The following GNPAT variants were observed in gnomAD, a reference collection of about 807,000 sequenced individuals.
GNPAT encodes dihydroxyacetone phosphate acyltransferase.
Under a neutral mutation model 78.4 loss-of-function variants are expected in GNPAT, and 30 were observed. That is an observed-to-expected ratio of 0.38 (90% CI 0.29 to 0.52). The LOEUF (loss-of-function observed/expected upper bound fraction) is 0.52, where lower values mean the gene tolerates loss of function less well. Among genes scored for constraint, GNPAT ranks in the 20% least tolerant of loss-of-function variants. GNPAT has a pLI of 0.84. For missense variants in GNPAT, 714 were observed against 812.2 expected (o/e 0.88, Z 1.47); for synonymous variants, 271 against 281.1 (o/e 0.96, Z 0.36).
chr1:231,276,300 A>G, intron 15 of GNPAT, 104 bp downstream of exon 15: 1 of 694,770 alleles, frequency 1.4e-6, no homozygotes, highest in East Asian at 2.7e-5. Flanking sequence ...ATCAGTAAGT[A>G]GTAGAGTTCT....
At position 231,259,157 on chromosome 1, in the gene GNPAT, CT is replaced by C. The variant is rs55848293; in HGVS notation, c.262-1336del. On this transcript the variant is annotated intron_variant, in intron 2 of 15. Transcript: ENST00000366647. Reference sequence around the variant, plus strand: ...GTTCTCTTCTGACTATATTTATAAACTTTTTTTTTTTTTTGGCACAATCACT... The same window carrying C: ...GTTCTCTTCTGACTATATTTATAAACTTTTTTTTTTTTTGGCACAATCACT... Among the ~76,000 whole-genome samples the C allele has an allele frequency of 3.8e-3, 550 of 145,194 alleles. 2 individuals carry two copies. Among genetic ancestry groups the C allele is most frequent in the Middle Eastern group, 0.011 (3 of 282 alleles).
intron 1 of GNPAT, among the ~76,000 whole-genome samples, chr1:231,242,220 T>C (rs575787963): frequency 1.3e-5 from 2 of 152,322 alleles, no homozygotes; most frequent in African/African-American, 4.8e-5. Context: ...GTTTGGTTTT[T>C]GTTTGTTTCT....
At chr1:231,246,757 G>A (rs1486138312) in intron 1 of GNPAT, among the ~76,000 whole-genome samples, 6 of 152,186 alleles carry the variant, frequency 3.9e-5, no homozygotes, top group African/African-American at 1.4e-4. Context: ...AAAAGAATTT[G>A]GACAGCTGAG....
Position 231,243,036 on chromosome 1 carries a change from G to C in GNPAT, c.78+1580G>C, listed in dbSNP as rs1007527173. ...GATCTAAAAGTAGCACTTTAGAAGCGTAGAAGATACTGCTGATTGCAGCAA... is the reference window on the plus strand; with the variant it reads ...GATCTAAAAGTAGCACTTTAGAAGCCTAGAAGATACTGCTGATTGCAGCAA... On this transcript the variant is annotated intron_variant, in intron 1 of 15. Transcript: ENST00000366647. Among the ~76,000 whole-genome samples the C allele has an allele frequency of 6.6e-5, 10 of 152,232 alleles. No homozygotes were observed. In the South Asian group the frequency reaches 2.1e-3, roughly 32 times the overall value.
At chr1:231,260,048 G>T (rs574682739) in intron 2 of GNPAT, among the ~76,000 whole-genome samples, 45 of 152,340 alleles carry the variant, frequency 3.0e-4, no homozygotes, top group African/African-American at 9.1e-4. Flanking sequence ...TTGGGACTTT[G>T]TGTGCCTGTG....
rs572817976 is a variant in GNPAT, at chr1:231,256,523, G to T, written c.262-3984G>T. ...TTTTTTTGAGAGGGAGTCTTGCTCT[G>T]TTGCCCAGGCTGGAGTGCAGTGGCG... is the stretch of plus-strand genomic sequence containing the variant. On this transcript the variant is annotated intron_variant, in intron 2 of 15. Transcript: ENST00000366647. Among the ~76,000 whole-genome samples, 12 of 105,378 alleles carry T rather than the reference G, an allele frequency of 1.1e-4. No individual in the cohort carries two copies. In the East Asian group the frequency reaches 3.6e-3, roughly 31 times the overall value. 69.1% of individuals were successfully genotyped at this position (105,378 alleles called of 152,430 possible).
At chr1:231,249,648 C>T (rs950961903) in intron 1 of GNPAT, among the ~76,000 whole-genome samples, 1 of 152,138 alleles carries the variant, frequency 6.6e-6, no homozygotes, top group African/African-American at 2.4e-5. Flanking sequence ...AAAGAAGTGA[C>T]AGGGAAAATA....
chr1:231,244,169 A>C (rs924037573), intron 1 of GNPAT, among the ~76,000 whole-genome samples: 4 of 152,162 alleles, frequency 2.6e-5, no homozygotes, highest in Non-Finnish European at 4.4e-5. Flanking sequence ...TTGGCCTTCC[A>C]AAGTACATTT....
intron 12 of GNPAT, chr1:231,274,897 T>C: frequency 3.2e-6 from 1 of 312,276 alleles, no homozygotes; most frequent in Non-Finnish European, 6.1e-6. Flanking sequence ...AGCAAAGTTA[T>C]TAAAATCTGA....
chr1:231,241,551 A>G (rs1420213722), intron 1 of GNPAT, 95 bp downstream of exon 1: 2 of 945,428 alleles, frequency 2.1e-6, no homozygotes, highest in Non-Finnish European at 3.4e-6. Context: ...ACCCTTGCCC[A>G]AAAGAGCTGG....
rs149097521 is a variant in GNPAT, at chr1:231,249,592, T to C, written c.79-1369T>C. On this transcript the variant is annotated intron_variant, in intron 1 of 15. Transcript: ENST00000366647. The stretch of plus-strand genomic sequence containing the variant: ...AGTAGGGAGACAGACATGCATACAA[T>C]TACAGTGTTGTGGGATACATACCAT... Among the ~76,000 whole-genome samples the C allele has an allele frequency of 6.6e-5, 10 of 152,332 alleles. No homozygotes were observed. In the East Asian group the frequency reaches 1.9e-3, roughly 29 times the overall value.
chr1:231,272,347 G>C lies in GNPAT; in HGVS notation c.1558G>C (p.Val520Leu), dbSNP rs1415358926. The change falls in exon 11 of 16, where the codon GTT becomes CTT. Residue 520 changes from valine to leucine, a missense_variant. Val to Leu is a conservative substitution (Grantham distance 32). Transcript: ENST00000366647. ...VYSCFRFLRD[V>L]FADEFIFLPG... ...CAGTTGCTTTCGCTTCCTACGTGAT[G>C]TTTTTGCAGATGAGTTCATCTTCCT... 4 of 1,596,202 alleles carry C rather than the reference G, an allele frequency of 2.5e-6. No homozygotes were observed. The highest frequency in any genetic ancestry group is 3.4e-6 in the Non-Finnish European group (4 of 1,164,330).
intron 12 of GNPAT, 120 bp from the exon 13 acceptor site, chr1:231,275,101 G>A (rs1685672957): frequency 2.8e-6 from 2 of 720,646 alleles, no homozygotes; most frequent in Non-Finnish European, 5.0e-6. Context: ...GGGTCTTTAT[G>A]CTGCTCTCTT....
intron 1 of GNPAT, among the ~76,000 whole-genome samples, chr1:231,243,588 A>C (rs571918427): frequency 6.6e-6 from 1 of 152,228 alleles, no homozygotes; most frequent in East Asian, 1.9e-4. Flanking sequence ...AAAGTGCTGG[A>C]ATTACAGGCA....
At chr1:231,263,816 T>G (rs1358675028) in intron 4 of GNPAT, among the ~76,000 whole-genome samples, 2 of 152,188 alleles carry the variant, frequency 1.3e-5, no homozygotes, top group African/African-American at 4.8e-5. Flanking sequence ...CTCCTTGTAG[T>G]TTTGATTTGC....
At chr1:231,257,175 G>A (rs1267508989) in intron 2 of GNPAT, among the ~76,000 whole-genome samples, 1 of 152,152 alleles carries the variant, frequency 6.6e-6, no homozygotes, top group East Asian at 1.9e-4. Context: ...CTGTGTTGTT[G>A]ATCTATTCAT....
chr1:231,266,783 A>G (rs1489400521), intron 8 of GNPAT, among the ~76,000 whole-genome samples: 3 of 152,228 alleles, frequency 2.0e-5, no homozygotes, highest in South Asian at 2.1e-4. Flanking sequence ...AAAGGATTGC[A>G]TAATGGTAAT....
At chr1:231,277,384 T>C in intron 15 of GNPAT, 115 bp from the exon 16 acceptor site, 1 of 764,560 alleles carries the variant, frequency 1.3e-6, no homozygotes, top group South Asian at 1.4e-5. Flanking sequence ...GGCCAGCCTG[T>C]GAAGCTCTGC....
In GNPAT at chr1:231,277,441, T is replaced by C. The variant is rs542512979; in HGVS notation, c.2000-58T>C. 3.4e-5 allele frequency: 35 copies of C among 1,014,538 alleles called. No homozygotes were observed. The South Asian group carries it at 4.3e-4, about 12-fold the overall frequency. 62.8% of individuals were successfully genotyped at this position (1,014,538 alleles called of 1,614,324 possible). On this transcript the variant is annotated intron_variant, in intron 15 of 15. Coordinates refer to ENST00000366647, the MANE Select transcript of GNPAT (RefSeq NM_014236.4). Reference sequence around the variant, plus strand: ...TGGACAGTCGCCCAAGGAACAGCTGTATGAGGAAGGGCAAAATCAGCATCA... The same window carrying C: ...TGGACAGTCGCCCAAGGAACAGCTGCATGAGGAAGGGCAAAATCAGCATCA...
Sources: gnomAD v4.1 joint callset for allele counts (sites outside exome capture counted in the v4.1 genomes callset) on GRCh38, gnomAD v4.1.1 for gene constraint, MANE v1.5 for transcripts, NCBI Gene and HGNC (gene_info 2026-07-23, HGNC 2026-07-21) for gene names.